The following SOAT1 variants were observed in gnomAD, a reference collection of about 807,000 sequenced individuals.
SOAT1 encodes the protein acyl-coenzyme A:cholesterol acyltransferase 1.
SOAT1 carries 55 observed loss-of-function variants against 69.5 expected under a neutral mutation model. That is an observed-to-expected ratio of 0.79 (90% confidence interval 0.64 to 0.99). SOAT1 has a LOEUF of 0.99. Ranked by LOEUF, SOAT1 falls within the 50% of genes least tolerant of loss-of-function variation. SOAT1 has a pLI of 0.00. For missense variants in SOAT1, 580 were observed against 669.3 expected, an observed-to-expected ratio of 0.87 and a Z score of 1.47; for synonymous variants, 231 against 224.7, an observed-to-expected ratio of 1.03 and a Z score of -0.25.
chr1:179,307,364 A>C (rs1219197100), intron 2 of SOAT1, among the ~76,000 whole-genome samples: 4 of 152,192 alleles, frequency 2.6e-5, no homozygotes, highest in Admixed American at 2.0e-4. Flanking sequence ...GCAAGAAGAA[A>C]TGGTCAGTGT....
intron 2 of SOAT1, among the ~76,000 whole-genome samples, chr1:179,306,830 C>CAGAAAAAAAAAAAAAA (rs1553243339): frequency 3.1e-5 from 3 of 96,654 alleles, no homozygotes; most frequent in Non-Finnish European, 3.8e-5. Context: ...GACTCCATCT[C>CAGAAAAAAAAAAAAAA]AAAAAAAAAA....
At position 179,342,097 on chromosome 1, in the gene SOAT1, T is replaced by C; in HGVS notation, c.781-17T>C. 6.2e-7 allele frequency: 1 copy of C among 1,613,330 alleles called. No individual in the cohort carries two copies. The highest frequency in any genetic ancestry group is 8.5e-7 in the Non-Finnish European group (1 of 1,179,466). On this transcript the variant is annotated splice_polypyrimidine_tract_variant and intron_variant, in intron 7 of 15. Transcript: ENST00000367619. ...GACTTTCTTTGAAGAGACATCTTTT[T>C]CCTCCTGCTTTTGTAGATTCGTTTT... is the stretch of plus-strand genomic sequence containing the variant.
chr1:179,317,193 C>T lies in SOAT1; in HGVS notation c.119-6244C>T, dbSNP rs747908001. ...ATAAATTTGAATGGCTTTTAATCTT[C>T]CTTTTTAGGCAAAATATACAATAGC... On this transcript the variant is annotated intron_variant, in intron 2 of 15. Transcript: ENST00000367619. Among the ~76,000 whole-genome samples the T allele has an allele frequency of 6.6e-5, 10 of 152,100 alleles. 1 individual carries two copies. Among genetic ancestry groups the T allele is most frequent in the Admixed American group, 1.3e-4 (2 of 15,256 alleles).
At chr1:179,299,904 C>T (rs544598488) in intron 1 of SOAT1, among the ~76,000 whole-genome samples, 4 of 150,650 alleles carry the variant, frequency 2.7e-5, no homozygotes, top group South Asian at 4.2e-4. Context: ...CAGGCGCCTG[C>T]CCCCATGCCC....
At chr1:179,314,203 T>C (rs1459417279) in intron 2 of SOAT1, among the ~76,000 whole-genome samples, 1 of 152,228 alleles carries the variant, frequency 6.6e-6, no homozygotes, top group Non-Finnish European at 1.5e-5. Context: ...TCCTCTGTAT[T>C]GTCCTTTTCC....
chr1:179,351,455 T>G lies in SOAT1; in HGVS notation c.1589T>G (p.Leu530Arg). Residue 530 changes from leucine (L) to arginine (R), a missense_variant, in exon 15 of 16, where the codon CTG (leucine) becomes CGG (arginine). Physicochemically the swap from Leu to Arg is moderately radical, Grantham distance 102. Coordinates refer to ENST00000367619, the MANE Select transcript of SOAT1 (RefSeq NM_003101.6). ...TGGTATGCACGTCAGCACTGTCCTCTGAAAAATGTGAGTCACCAACCTGGT... is the reference window on the plus strand; with the variant it reads ...TGGTATGCACGTCAGCACTGTCCTCGGAAAAATGTGAGTCACCAACCTGGT... ...QEWYARQHCP[L>R]KNPTFLDYVR... The G allele has an allele frequency of 6.2e-7, 1 of 1,611,406 alleles. No individual in the cohort carries two copies. Among genetic ancestry groups the G allele is most frequent in the Non-Finnish European group, 8.5e-7 (1 of 1,179,348 alleles).
chr1:179,346,294 C>A (rs1666531839), intron 11 of SOAT1, among the ~76,000 whole-genome samples: 2 of 152,118 alleles, frequency 1.3e-5, no homozygotes, highest in African/African-American at 4.8e-5. Context: ...TTGTCTGGTA[C>A]ATAGTTGATG....
intron 2 of SOAT1, among the ~76,000 whole-genome samples, chr1:179,316,123 C>T (rs1407242294): frequency 6.6e-6 from 1 of 152,168 alleles, no homozygotes; most frequent in Non-Finnish European, 1.5e-5. Context: ...TCCTTTCCAT[C>T]TTCCAATATC....
intron 12 of SOAT1, 119 bp from the exon 13 acceptor site, chr1:179,348,725 C>T: frequency 3.1e-6 from 2 of 652,578 alleles, no homozygotes; most frequent in Non-Finnish European, 5.4e-6. Context: ...TACATATGTT[C>T]TTTGGGAAGT....
At chr1:179,319,709 T>G (rs1453634948) in intron 2 of SOAT1, among the ~76,000 whole-genome samples, 6 of 152,200 alleles carry the variant, frequency 3.9e-5, no homozygotes, top group Non-Finnish European at 8.8e-5. Flanking sequence ...TTCTGCTTCA[T>G]AGGTTCAAGC....
chr1:179,354,826 G>A lies in SOAT1; in HGVS notation c.*1185G>A, dbSNP rs953190250. 2 of 152,290 alleles carry A rather than the reference G, an allele frequency of 1.3e-5. No individual in the cohort carries two copies. The highest frequency in any genetic ancestry group is 6.5e-5 in the Admixed American group (1 of 15,288). 9.4% of individuals were successfully genotyped at this position (152,290 alleles called of 1,614,324 possible). ...TGTAGGAATTATTTGTATGTATGAG[G>A]TATGATTGTAAAGATTGAGCATTGG... On this transcript the variant is annotated 3_prime_UTR_variant, in exon 16 of 16. Transcript: ENST00000367619.
chr1:179,294,847 T>C (rs112397260), intron 1 of SOAT1, among the ~76,000 whole-genome samples: 1 of 152,240 alleles, frequency 6.6e-6, no homozygotes, highest in African/African-American at 2.4e-5. Flanking sequence ...GGTCACTTTT[T>C]AATATTTAAG....
At chr1:179,344,807 C>A (rs1666468353) in intron 10 of SOAT1, 140 bp from the exon 11 acceptor site, 1 of 743,338 alleles carries the variant, frequency 1.3e-6, no homozygotes, top group Non-Finnish European at 2.3e-6. Flanking sequence ...TTATAGCAGT[C>A]TTCTATACTA....
intron 1 of SOAT1, among the ~76,000 whole-genome samples, chr1:179,300,305 T>A (rs1263011670): frequency 6.6e-6 from 1 of 152,174 alleles, no homozygotes; most frequent in African/African-American, 2.4e-5. Context: ...TAGTTTTCAG[T>A]TCTTACTTCT....
At chr1:179,303,157 A>G (rs1664893759) in intron 2 of SOAT1, among the ~76,000 whole-genome samples, 1 of 152,232 alleles carries the variant, frequency 6.6e-6, no homozygotes. Context: ...CATACACATA[A>G]CTAGATTTAT....
At chr1:179,325,968 G>C (rs562574359) in intron 3 of SOAT1, among the ~76,000 whole-genome samples, 1 of 152,310 alleles carries the variant, frequency 6.6e-6, no homozygotes, top group African/African-American at 2.4e-5. Context: ...GTGGACCCTG[G>C]TTTAGCTAGT....
rs773245016 is a variant in SOAT1 at position 179,339,521 on chromosome 1, T to C, written c.473T>C (p.Val158Ala). ...LLILFILSTLVVDYIDEGRLV... is the reference protein window; with the variant it reads ...LLILFILSTLAVDYIDEGRLV... Reference sequence around the variant, plus strand: ...ATTCTCTTTATCCTCAGCACACTTGTAGTAGATTACATTGATGAAGGAAGG... The same window carrying C: ...ATTCTCTTTATCCTCAGCACACTTGCAGTAGATTACATTGATGAAGGAAGG... The change falls in exon 6 of 16, where the codon GTA becomes GCA. Residue 158 changes from valine (V) to alanine (A), a missense_variant. By Grantham distance (64) the Val-to-Ala change is moderately conservative (BLOSUM62 0). Coordinates refer to ENST00000367619, the MANE Select transcript of SOAT1 (RefSeq NM_003101.6). 6.2e-7 allele frequency: 1 copy of C among 1,610,940 alleles called. No homozygotes were observed. Among genetic ancestry groups the C allele is most frequent in the South Asian group, 1.1e-5 (1 of 90,770 alleles).
rs780116186 is a variant in SOAT1, at chr1:179,335,648, A to G, written c.320A>G (p.His107Arg). The change falls in exon 4 of 16, where the codon CAT becomes CGT. Residue 107 changes from histidine (H) to arginine (R), a missense_variant. Transcript: ENST00000367619. The stretch of plus-strand genomic sequence containing the variant: ...GTTCTTGAAGGAGAGAAAAACAACC[A>G]TAGAGCGAAGTAAGTATGTGCTATT... ...FSVLEGEKNN[H>R]RAKDLRAPPE... 1.4e-5 allele frequency: 23 copies of G among 1,612,180 alleles called. No individual in the cohort carries two copies. The highest frequency in any genetic ancestry group is 1.5e-5 in the Non-Finnish European group (18 of 1,179,150).
intron 3 of SOAT1, among the ~76,000 whole-genome samples, chr1:179,332,665 G>A (rs935186054): frequency 1.3e-5 from 2 of 152,050 alleles, no homozygotes; most frequent in Non-Finnish European, 2.9e-5. Flanking sequence ...GAAAAGATAA[G>A]CAAATTAGAA....
Sources: gnomAD v4.1 joint callset for allele counts (sites outside exome capture counted in the v4.1 genomes callset) on GRCh38, gnomAD v4.1.1 for gene constraint, MANE v1.5 for transcripts, NCBI Gene and HGNC (gene_info 2026-07-23, HGNC 2026-07-21) for gene names.